SDK1: variants seen among roughly 807,000 people sequenced by gnomAD.
The protein encoded by SDK1 is sidekick cell adhesion molecule 1.
Under a neutral mutation model 245.5 loss-of-function variants are expected in SDK1, and 157 were observed. The observed-to-expected ratio is 0.64, with a 90% CI of 0.56 to 0.73. SDK1 has a LOEUF of 0.73. SDK1 is among the 30% of genes least tolerant of loss of function. The probability of loss-of-function intolerance (pLI) is 0.00; values close to 1 mark genes in which losing one functional copy is unlikely to be tolerated. For missense variants in SDK1, 3,583 were observed against 3,002.3 expected (o/e 1.19, Z -4.52); for synonymous variants, 1,647 against 1,278.5 (o/e 1.29, Z -6.15).
intron 4 of SDK1, among the ~76,000 whole-genome samples, chr7:3,765,590 A>G (rs193243550): frequency 1.6e-4 from 24 of 152,340 alleles, no homozygotes; most frequent in Admixed American, 1.5e-3. Flanking sequence ...CACATGGAAT[A>G]GCTTTTAATC....
At chr7:3,926,677 C>T (rs902910040) in intron 5 of SDK1, among the ~76,000 whole-genome samples, 3 of 152,154 alleles carry the variant, frequency 2.0e-5, no homozygotes, top group African/African-American at 7.2e-5. Flanking sequence ...CCGTGAGGTC[C>T]TGTTTTGATT....
At chr7:3,960,422 G>C (rs1407259887) in intron 8 of SDK1, among the ~76,000 whole-genome samples, 3 of 152,234 alleles carry the variant, frequency 2.0e-5, no homozygotes, top group African/African-American at 7.2e-5. Context: ...CCTGGACTTA[G>C]AACAAATGCC....
chr7:3,618,476 GT>G (rs1475342640), intron 1 of SDK1, among the ~76,000 whole-genome samples: 1 of 152,186 alleles, frequency 6.6e-6, no homozygotes, highest in African/African-American at 2.4e-5. Context: ...ATTTACCTGT[GT>G]TGCTATGTGT....
At position 4,042,666 on chromosome 7, in the gene SDK1, G is replaced by A. The variant is rs781291064; in HGVS notation, c.2603-6682G>A. Among the ~76,000 whole-genome samples, 5 of 152,036 alleles carry A rather than the reference G, an allele frequency of 3.3e-5. 1 individual carries two copies. Among genetic ancestry groups the A allele is most frequent in the Admixed American group, 6.6e-5 (1 of 15,254 alleles). ...TCCCTTGAGGCTTAGTCTGAGCAGC[G>A]GGAGGCCACGCTGCACACTTGAAAC... On this transcript the variant is annotated intron_variant, in intron 17 of 44. Coordinates refer to ENST00000404826, the MANE Select transcript of SDK1 (RefSeq NM_152744.4).
chr7:3,805,074 T>G (rs951534797), intron 4 of SDK1, among the ~76,000 whole-genome samples: 1 of 152,232 alleles, frequency 6.6e-6, no homozygotes, highest in Non-Finnish European at 1.5e-5. Context: ...TATGGTTAAT[T>G]AGTTTGATTT....
intron 9 of SDK1, among the ~76,000 whole-genome samples, chr7:3,965,270 G>T (rs1325052360): frequency 6.6e-6 from 1 of 152,032 alleles, no homozygotes; most frequent in Non-Finnish European, 1.5e-5. Flanking sequence ...TTAGGAATGA[G>T]AATAAAAAAG....
At chr7:3,468,460 C>A (rs796366805) in intron 1 of SDK1, among the ~76,000 whole-genome samples, 1 of 152,140 alleles carries the variant, frequency 6.6e-6, no homozygotes, top group East Asian at 1.9e-4. Flanking sequence ...CAAGGCAGAT[C>A]ATAGAAACCA....
intron 4 of SDK1, among the ~76,000 whole-genome samples, chr7:3,690,653 T>C (rs779194674): frequency 2.0e-5 from 3 of 152,170 alleles, no homozygotes; most frequent in Non-Finnish European, 4.4e-5. Flanking sequence ...ACAATGTTGT[T>C]TATAGAAAGT....
chr7:3,500,141 G>T (rs1431701734), intron 1 of SDK1, among the ~76,000 whole-genome samples: 1 of 152,104 alleles, frequency 6.6e-6, no homozygotes, highest in Non-Finnish European at 1.5e-5. Flanking sequence ...CTTGTCTATC[G>T]AGTCACATTG....
At chr7:3,420,898 C>T (rs1779517212) in intron 1 of SDK1, among the ~76,000 whole-genome samples, 1 of 152,182 alleles carries the variant, frequency 6.6e-6, no homozygotes, top group South Asian at 2.1e-4. Flanking sequence ...TCCTGATGCT[C>T]TCTGTCCTTC....
chr7:3,780,457 G>T (rs1185013369), intron 4 of SDK1, among the ~76,000 whole-genome samples: 1 of 152,202 alleles, frequency 6.6e-6, no homozygotes, highest in Non-Finnish European at 1.5e-5. Flanking sequence ...CTGTGTTTCT[G>T]GCAGCTGTGG....
At chr7:3,725,387 T>C (rs1250485190) in intron 4 of SDK1, among the ~76,000 whole-genome samples, 1 of 152,210 alleles carries the variant, frequency 6.6e-6, no homozygotes, top group Non-Finnish European at 1.5e-5. Context: ...GCAGAGGACC[T>C]GTTAAGTAAT....
Position 4,145,989 on chromosome 7 carries a change from C to A in SDK1, c.4423+73C>A. 3.7e-6 allele frequency: 5 copies of A among 1,358,300 alleles called. No individual in the cohort carries two copies. The South Asian group carries it at 7.0e-5, about 19-fold the overall frequency. The allele number at this position is 1,358,300 out of a possible 1,614,324, so 84.1% of individuals were successfully genotyped here. On this transcript the variant is annotated intron_variant, in intron 29 of 44. Transcript: ENST00000404826. ...CTTCCTCAATCAGGCCCTCTGGGGT[C>A]TGCGGGGTACCTGGGAGGCTTCGGC... is the stretch of plus-strand genomic sequence containing the variant.
chr7:4,164,481 A>G (rs1781368014), intron 32 of SDK1, among the ~76,000 whole-genome samples: 1 of 152,196 alleles, frequency 6.6e-6, no homozygotes, highest in African/African-American at 2.4e-5. Flanking sequence ...ATGGAAATGC[A>G]AAGTCCCAAG....
At chr7:4,180,529 G>A (rs908625698) in intron 35 of SDK1, among the ~76,000 whole-genome samples, 10 of 147,088 alleles carry the variant, frequency 6.8e-5, no homozygotes, top group African/African-American at 1.0e-4. Context: ...TCCAGCACCC[G>A]GCTCCAGCTC....
At chr7:3,708,752 C>T (rs563247745) in intron 4 of SDK1, among the ~76,000 whole-genome samples, 102 of 152,350 alleles carry the variant, frequency 6.7e-4, no homozygotes, top group South Asian at 3.3e-3. Flanking sequence ...CAGTTTGAAA[C>T]GAGATTTGGG....
intron 38 of SDK1, among the ~76,000 whole-genome samples, chr7:4,219,826 C>A (rs947425162): frequency 6.6e-6 from 1 of 150,546 alleles, no homozygotes; most frequent in East Asian, 2.0e-4. Flanking sequence ...TCCCTCCCCT[C>A]CCCGCTCCTC....
intron 1 of SDK1, among the ~76,000 whole-genome samples, chr7:3,449,512 A>C (rs970926114): frequency 6.6e-6 from 1 of 152,214 alleles, no homozygotes; most frequent in African/African-American, 2.4e-5. Flanking sequence ...AGATTTGACT[A>C]TATGTTGAAT....
chr7:3,500,987 AT>A (rs536654440), intron 1 of SDK1, among the ~76,000 whole-genome samples: 1 of 152,076 alleles, frequency 6.6e-6, no homozygotes, highest in Non-Finnish European at 1.5e-5. Flanking sequence ...TTAATGATAG[AT>A]TTTTTGAAGT....
Sources: allele counts gnomAD v4.1 joint callset (sites outside exome capture counted in the v4.1 genomes callset), GRCh38; gene constraint gnomAD v4.1.1; transcripts MANE v1.5; gene names NCBI Gene and HGNC (gene_info 2026-07-23, HGNC 2026-07-21).